UMODL1: variants seen among roughly 807,000 people sequenced by gnomAD.
UMODL1 encodes uromodulin like 1, also known as uromodulin-like 1.
In UMODL1, 128 loss-of-function variants were observed where a neutral mutation model predicts 136.3. The ratio of observed to expected loss-of-function variants is 0.94; its 90% CI spans 0.81 to 1.09. The LOEUF (loss-of-function observed/expected upper bound fraction) is 1.09. UMODL1 is among the 50% of genes least tolerant of loss of function. The pLI, the probability that UMODL1 is intolerant of heterozygous loss-of-function variation, is 0.00. For synonymous variants in UMODL1, 721 were observed against 720.0 expected, an observed-to-expected ratio of 1.00 and a Z score of -0.02; for missense variants, 1,766 against 1,725.6, an observed-to-expected ratio of 1.02 and a Z score of -0.41.
intron 1 of UMODL1, among the ~76,000 whole-genome samples, chr21:42,075,249 G>T (rs555207929): frequency 7.9e-5 from 12 of 151,808 alleles, no homozygotes; most frequent in Non-Finnish European, 1.3e-4. Flanking sequence ...GATGGGGGGG[G>T]GGTTTCACCA....
At chr21:42,119,631 C>G (rs982993590) in intron 15 of UMODL1, among the ~76,000 whole-genome samples, 1 of 152,120 alleles carries the variant, frequency 6.6e-6, no homozygotes, top group African/African-American at 2.4e-5. Flanking sequence ...AGATGCATCC[C>G]TCTCTGCAGC....
rs373153146 is a variant in UMODL1, at chr21:42,104,104, C to A, written c.1519+17C>A. The A allele has an allele frequency of 3.1e-6, 5 of 1,594,018 alleles. No homozygotes were observed. The highest frequency in any genetic ancestry group is 4.3e-6 in the Non-Finnish European group (5 of 1,166,586). On this transcript the variant is annotated intron_variant, in intron 9 of 22. Transcript: ENST00000408910. ...GCGTGCAAGGTATGGCCCAGCCACC[C>A]GCCCTGCTGCCTGGTGTCCTCCAGC...
intron 21 of UMODL1, 86 bp from the exon 22 acceptor site, chr21:42,137,353 C>T: frequency 6.6e-7 from 1 of 1,516,080 alleles, no homozygotes; most frequent in Non-Finnish European, 9.0e-7. Context: ...TCAGATCCAT[C>T]AGCCCCGGAT....
chr21:42,082,035 A>G (rs1224858846), intron 2 of UMODL1, among the ~76,000 whole-genome samples: 1 of 152,098 alleles, frequency 6.6e-6, no homozygotes, highest in African/African-American at 2.4e-5. Context: ...TGATGAGGAG[A>G]TGAAGAGTGA....
intron 1 of UMODL1, among the ~76,000 whole-genome samples, chr21:42,075,242 G>GGC (rs58404701): frequency 0.066 from 4,693 of 71,232 alleles, 72 homozygotes; most frequent in Middle Eastern, 0.13. Context: ...TGCTGGAGAT[G>GGC]GGGGGGGGGT....
intron 12 of UMODL1, among the ~76,000 whole-genome samples, chr21:42,112,017 G>A (rs186189648): frequency 2.0e-3 from 307 of 152,144 alleles, no homozygotes; most frequent in African/African-American, 6.9e-3. Context: ...GTCGCGTTAG[G>A]TGCTGGAGCC....
chr21:42,122,605 A>G lies in UMODL1; in HGVS notation c.2828-226A>G, dbSNP rs1318050060. On this transcript the variant is annotated intron_variant, in intron 16 of 22. Transcript: ENST00000408910. This position sits in a 1 kb window ranked among gnomAD's most constrained non-coding sequence, Gnocchi z 4.3. ...TGTGCATGTGTGTGCATGTGTGTGCATCTCTGCGTGCATGTGTGTGCATGC... is the reference window on the plus strand; with the variant it reads ...TGTGCATGTGTGTGCATGTGTGTGCGTCTCTGCGTGCATGTGTGTGCATGC... 7.1e-6 allele frequency among the ~76,000 whole-genome samples: 1 copy of G among 141,348 alleles called. No individual in the cohort carries two copies. Among genetic ancestry groups the G allele is most frequent in the African/African-American group, 2.9e-5 (1 of 35,064 alleles). The allele number at this position is 141,348 out of a possible 152,430, so 92.7% of individuals were successfully genotyped here. A position where few individuals can be genotyped will look rare whatever the true frequency, so the allele number is the denominator to read the frequency against.
rs1161806930 is a variant in UMODL1, at chr21:42,142,214, A to T, written c.*140A>T. On this transcript the variant is annotated 3_prime_UTR_variant, in exon 23 of 23. Coordinates refer to ENST00000408910, the MANE Select transcript of UMODL1 (RefSeq NM_001004416.3). ...TCGGTTCTTAACTCTTCAAGCCTTA[A>T]CGGAGGTCTGCTCTGACGGGTGGGC... 1 of 152,210 alleles carries T rather than the reference A, an allele frequency of 6.6e-6. No homozygotes were observed. Among genetic ancestry groups the T allele is most frequent in the Non-Finnish European group, 1.5e-5 (1 of 68,058 alleles). 9.4% of individuals were successfully genotyped at this position (152,210 alleles called of 1,614,324 possible).
chr21:42,070,804 A>G (rs925910829), upstream of UMODL1, among the ~76,000 whole-genome samples: 1 of 152,242 alleles, frequency 6.6e-6, no homozygotes, highest in African/African-American at 2.4e-5. Flanking sequence ...ACTGGGTCAA[A>G]GCACCTGGAC....
upstream of UMODL1, among the ~76,000 whole-genome samples, chr21:42,066,960 A>C (rs1032316175): frequency 6.8e-6 from 1 of 146,820 alleles, no homozygotes; most frequent in South Asian, 2.1e-4. Context: ...GGTTTAGAGC[A>C]CACGTCTTTT....
At chr21:42,075,242 G>T (rs963748096) in intron 1 of UMODL1, among the ~76,000 whole-genome samples, 26 of 71,242 alleles carry the variant, frequency 3.6e-4, no homozygotes, top group African/African-American at 5.2e-4. Context: ...TGCTGGAGAT[G>T]GGGGGGGGGT....
chr21:42,110,041 C>T (rs1340340451), intron 10 of UMODL1, among the ~76,000 whole-genome samples: 1 of 152,048 alleles, frequency 6.6e-6, no homozygotes, highest in Non-Finnish European at 1.5e-5. Context: ...AGCCCGGGGT[C>T]GAGGGATTCC....
At position 42,099,881 on chromosome 21, in the gene UMODL1, A is replaced by G. The variant is rs1452961970; in HGVS notation, c.1186+701A>G. 3.3e-5 allele frequency among the ~76,000 whole-genome samples: 5 copies of G among 152,148 alleles called. No individual in the cohort carries two copies. The highest frequency in any genetic ancestry group is 3.3e-4 in the Admixed American group (5 of 15,274). On this transcript the variant is annotated intron_variant, in intron 7 of 22. Coordinates refer to ENST00000408910, the MANE Select transcript of UMODL1 (RefSeq NM_001004416.3). The surrounding 1 kb of genome is among the most constrained non-coding windows in gnomAD (Gnocchi z 4.1). ...TTTTTCATAAGGATGGAGTCTTGCC[A>G]TGTTGCTCAGGCTGGTGTCAAACTC... is the stretch of plus-strand genomic sequence containing the variant.
Position 42,119,315 on chromosome 21 carries a change from T to C in UMODL1, c.2680T>C (p.Phe894Leu), listed in dbSNP as rs919706769. ...PLLEVIRGDT[F>L]IQDYDECERK... ...GCTGGAGGTGATCAGAGGCGACACC[T>C]TCATACAGGGTACGAGAGGCTGGGA... The change falls in exon 15 of 23, where the codon TTC (phenylalanine) becomes CTC (leucine). Residue 894 changes from phenylalanine to leucine, a missense_variant. Coordinates refer to ENST00000408910, the MANE Select transcript of UMODL1 (RefSeq NM_001004416.3). 3 of 1,613,794 alleles carry C rather than the reference T, an allele frequency of 1.9e-6. No individual in the cohort carries two copies. The African/African-American group carries it at 4.0e-5, about 22-fold the overall frequency.
chr21:42,084,366 G>C, intron 3 of UMODL1, 121 bp downstream of exon 3: 7 of 1,142,180 alleles, frequency 6.1e-6, no homozygotes, highest in Non-Finnish European at 8.3e-6. Flanking sequence ...TTCATCAGGA[G>C]CCCCCACCGT....
chr21:42,129,635 C>T, intron 20 of UMODL1, 78 bp from the exon 21 acceptor site: 1 of 1,312,540 alleles, frequency 7.6e-7, no homozygotes, highest in Non-Finnish European at 1.0e-6. Context: ...ATCACATTAG[C>T]ATCCTTGATA....
At position 42,085,104 on chromosome 21, in the gene UMODL1, G is replaced by A. The variant is rs1042625160; in HGVS notation, c.482-187G>A. Among the ~76,000 whole-genome samples the A allele has an allele frequency of 3.0e-4, 45 of 152,066 alleles. No homozygotes were observed. The highest frequency in any genetic ancestry group is 9.9e-4 in the African/African-American group (41 of 41,366). The stretch of plus-strand genomic sequence containing the variant: ...TCTTCAGGGACATTAGGATGGAGAG[G>A]AGCGAGGGGCGGGCAGTGAGGACAT... On this transcript the variant is annotated intron_variant, in intron 3 of 22. Coordinates refer to ENST00000408910, the MANE Select transcript of UMODL1 (RefSeq NM_001004416.3). This position sits in a 1 kb window ranked among gnomAD's most constrained non-coding sequence, Gnocchi z 4.5.
chr21:42,121,784 G>T (rs1358842998), intron 16 of UMODL1, among the ~76,000 whole-genome samples: 9 of 152,212 alleles, frequency 5.9e-5, no homozygotes. Flanking sequence ...GTAGAATCAG[G>T]AAGCACAGAG....
At chr21:42,097,003 G>A (rs377039159) in intron 6 of UMODL1, among the ~76,000 whole-genome samples, 4 of 152,164 alleles carry the variant, frequency 2.6e-5, no homozygotes, top group African/African-American at 7.2e-5. Context: ...TGATTCCAGG[G>A]TTCTGGTGAC....
Sources: allele counts gnomAD v4.1 joint callset (sites outside exome capture counted in the v4.1 genomes callset), GRCh38; gene constraint gnomAD v4.1.1; non-coding constraint Gnocchi (gnomAD v3.1); transcripts MANE v1.5; gene names NCBI Gene and HGNC (gene_info 2026-07-23, HGNC 2026-07-21).